Variants in CPQ observed in about 807,000 individuals in gnomAD.
The protein encoded by CPQ is carboxypeptidase Q, also known as Ser-Met dipeptidase.
CPQ carries 37 observed loss-of-function variants against 45.7 expected under a neutral mutation model. That is an observed-to-expected ratio of 0.81 (90% CI 0.62 to 1.07). CPQ has a LOEUF of 1.07. Among genes scored for constraint, CPQ ranks in the 50% least tolerant of loss-of-function variants. CPQ has a pLI of 0.00. For missense variants in CPQ, 537 were observed against 572.9 expected (o/e 0.94, Z 0.64); for synonymous variants, 186 against 205.8 (o/e 0.90, Z 0.82).
chr8:96,843,446 A>T (rs761466404), intron 3 of CPQ, among the ~76,000 whole-genome samples: 1 of 152,168 alleles, frequency 6.6e-6, no homozygotes, highest in African/African-American at 2.4e-5. Flanking sequence ...GATTTAGTTA[A>T]TGTCACTGTT....
intron 1 of CPQ, among the ~76,000 whole-genome samples, chr8:96,664,080 C>A (rs940621692): frequency 2.6e-5 from 4 of 152,270 alleles, no homozygotes; most frequent in African/African-American, 9.6e-5. Flanking sequence ...ATGTAAAATG[C>A]AGCAACACTT....
intron 3 of CPQ, among the ~76,000 whole-genome samples, chr8:96,862,349 GGAGA>G (rs1811937523): frequency 6.6e-6 from 1 of 151,054 alleles, no homozygotes; most frequent in Non-Finnish European, 1.5e-5. Flanking sequence ...GAGAGAGAGA[GGAGA>G]GAAAGACTGG....
chr8:97,122,981 T>TAAAATTAAAA (rs1224428408), intron 7 of CPQ, among the ~76,000 whole-genome samples: 2 of 24,270 alleles, frequency 8.2e-5, no homozygotes, highest in Non-Finnish European at 1.4e-4. Flanking sequence ...TAAAATAAAA[T>TAAAATTAAAA]TAAAATAAAA....
chr8:96,667,916 T>A (rs1454254135), intron 1 of CPQ, among the ~76,000 whole-genome samples: 1 of 152,204 alleles, frequency 6.6e-6, no homozygotes, highest in African/African-American at 2.4e-5. Context: ...TATATATCTT[T>A]TATTCTCCAC....
In CPQ at chr8:97,029,408, C is replaced by T. The variant is rs753340797; in HGVS notation, c.967C>T (p.Arg323Cys). The part of the protein sequence containing the change: ...ALSLIKDLGL[R>C]PKRTLRLVLW... Reference sequence around the variant, plus strand: ...TTATTTTATTATTTTCCCAGGGCTGCGTCCAAAGAGGACTCTGCGGCTGGT... The same window carrying T: ...TTATTTTATTATTTTCCCAGGGCTGTGTCCAAAGAGGACTCTGCGGCTGGT... Residue 323 changes from arginine to cysteine, a missense_variant, in exon 6 of 8, where the codon CGT (arginine) becomes TGT (cysteine). Arg to Cys is a radical substitution (Grantham distance 180). Transcript: ENST00000220763. The T allele has an allele frequency of 1.5e-5, 24 of 1,603,228 alleles. No individual in the cohort carries two copies. The highest frequency in any genetic ancestry group is 1.7e-4 in the Middle Eastern group (1 of 6,036).
intron 1 of CPQ, among the ~76,000 whole-genome samples, chr8:96,717,024 A>T (rs868270424): frequency 8.3e-4 from 47 of 56,546 alleles, no homozygotes; most frequent in East Asian, 2.7e-3. Context: ...CCATGATATA[A>T]ATATATATAT....
In CPQ at chr8:96,666,182, G is replaced by A. The variant is rs528062702; in HGVS notation, c.-35+20780G>A. On this transcript the variant is annotated intron_variant, in intron 1 of 7. Coordinates refer to ENST00000220763, the MANE Select transcript of CPQ (RefSeq NM_016134.4). ...CAAGACGTCTGGTACCTAGCCCTGT[G>A]GTTATAAAGGCAGGAGAATATTGGC... Among the ~76,000 whole-genome samples the A allele has an allele frequency of 4.6e-5, 7 of 152,226 alleles. No individual in the cohort carries two copies. In the South Asian group the frequency reaches 1.2e-3, roughly 27 times the overall value.
intron 5 of CPQ, among the ~76,000 whole-genome samples, chr8:96,995,961 G>C (rs1013295401): frequency 1.3e-5 from 2 of 151,882 alleles, no homozygotes; most frequent in African/African-American, 4.8e-5. Context: ...AACTTTAAAG[G>C]GCAGAGGAAA....
chr8:96,813,613 T>C (rs972607215), intron 2 of CPQ, among the ~76,000 whole-genome samples: 2 of 152,154 alleles, frequency 1.3e-5, no homozygotes, highest in African/African-American at 4.8e-5. Flanking sequence ...AGAGCTGGAC[T>C]TGCTTTCTTG....
intron 7 of CPQ, among the ~76,000 whole-genome samples, chr8:97,102,235 A>G (rs1307878473): frequency 6.6e-6 from 1 of 152,168 alleles, no homozygotes; most frequent in Non-Finnish European, 1.5e-5. Flanking sequence ...TCTGATTTCA[A>G]AGAAAGCTGC....
chr8:96,899,524 G>A (rs1812487594), intron 4 of CPQ, among the ~76,000 whole-genome samples: 1 of 152,102 alleles, frequency 6.6e-6, no homozygotes, highest in Non-Finnish European at 1.5e-5. Context: ...GGCTTCTGGG[G>A]AGGACTTAGG....
intron 2 of CPQ, among the ~76,000 whole-genome samples, chr8:96,806,665 A>G (rs139820697): frequency 7.8e-4 from 119 of 152,366 alleles, no homozygotes; most frequent in African/African-American, 2.8e-3. Flanking sequence ...TACAATTTAA[A>G]TGATATTAAA....
intron 7 of CPQ, among the ~76,000 whole-genome samples, chr8:97,120,168 T>C (rs1366051332): frequency 1.3e-5 from 2 of 152,072 alleles, no homozygotes; most frequent in Non-Finnish European, 2.9e-5. Context: ...CTAGGGAGGA[T>C]CTCCCTAAAG....
chr8:96,925,514 T>C (rs1812861041), intron 4 of CPQ, among the ~76,000 whole-genome samples: 1 of 151,300 alleles, frequency 6.6e-6, no homozygotes, highest in African/African-American at 2.4e-5. Context: ...TCCTGAGTAG[T>C]TGGGATTATA....
chr8:96,768,100 A>G (rs1810492863), intron 1 of CPQ, among the ~76,000 whole-genome samples: 2 of 152,026 alleles, frequency 1.3e-5, no homozygotes, highest in Admixed American at 1.3e-4. Context: ...CTGCCGTGAA[A>G]CATCTGCTGT....
chr8:97,110,396 G>C (rs977193438), intron 7 of CPQ, among the ~76,000 whole-genome samples: 1 of 151,848 alleles, frequency 6.6e-6, no homozygotes, highest in African/African-American at 2.4e-5. Context: ...CTTTTTTTCA[G>C]TTTTTGGCAT....
intron 6 of CPQ, among the ~76,000 whole-genome samples, chr8:97,040,129 T>G (rs894860271): frequency 6.7e-6 from 1 of 148,856 alleles, no homozygotes; most frequent in African/African-American, 2.5e-5. Context: ...TTTCTCCACA[T>G]CCTCTCCAGC....
chr8:96,768,825 C>G (rs1452969284), intron 1 of CPQ, among the ~76,000 whole-genome samples: 2 of 152,054 alleles, frequency 1.3e-5, no homozygotes, highest in Non-Finnish European at 2.9e-5. Flanking sequence ...GAAGGGGAAG[C>G]CTGGCTAAAG....
chr8:96,874,187 T>G (rs1429115278), intron 3 of CPQ, among the ~76,000 whole-genome samples: 3 of 151,838 alleles, frequency 2.0e-5, no homozygotes, highest in Non-Finnish European at 3.0e-5. Flanking sequence ...GGCTTTGCTT[T>G]TACACATCTC....
Sources: allele counts gnomAD v4.1 joint callset (sites outside exome capture counted in the v4.1 genomes callset), GRCh38; gene constraint gnomAD v4.1.1; transcripts MANE v1.5; gene names NCBI Gene and HGNC (gene_info 2026-07-23, HGNC 2026-07-21).